The following VWA8 variants were observed in gnomAD, a reference collection of about 807,000 sequenced individuals.
VWA8 encodes von Willebrand factor A domain-containing protein 8.
In VWA8, 221 loss-of-function variants were observed where a neutral mutation model predicts 241.5. The ratio of observed to expected loss-of-function variants is 0.91; its 90% CI spans 0.82 to 1.02. The LOEUF is 1.02. VWA8 is among the 50% of genes least tolerant of loss of function. VWA8 has a pLI of 0.00. For synonymous variants in VWA8, 852 were observed against 827.1 expected (o/e 1.03, Z -0.52); for missense variants, 2,322 against 2,328.7 (o/e 1.00, Z 0.06).
intron 9 of VWA8, among the ~76,000 whole-genome samples, chr13:41,876,678 C>T (rs561831292): frequency 6.6e-6 from 1 of 152,224 alleles, no homozygotes; most frequent in South Asian, 2.1e-4. Flanking sequence ...TAGTGCCTGG[C>T]TAATTGATTG....
At chr13:41,917,038 C>T (rs561063000) in intron 2 of VWA8, among the ~76,000 whole-genome samples, 4 of 152,220 alleles carry the variant, frequency 2.6e-5, no homozygotes, top group African/African-American at 7.2e-5. Flanking sequence ...TCATACTGGC[C>T]TAAATCCCTG....
chr13:41,758,257 T>C (rs566962432), intron 21 of VWA8, among the ~76,000 whole-genome samples: 23 of 150,646 alleles, frequency 1.5e-4, no homozygotes, highest in Admixed American at 1.3e-3. Context: ...CTATTAACAA[T>C]AGCAAATTTA....
intron 39 of VWA8, among the ~76,000 whole-genome samples, chr13:41,606,086 C>T (rs2044552119): frequency 6.6e-6 from 1 of 152,086 alleles, no homozygotes; most frequent in African/African-American, 2.4e-5. Context: ...ATGATTGCCT[C>T]CTCCAGGAAG....
intron 39 of VWA8, among the ~76,000 whole-genome samples, chr13:41,610,666 CT>C (rs1217002045): frequency 6.6e-6 from 1 of 152,140 alleles, no homozygotes; most frequent in African/African-American, 2.4e-5. Flanking sequence ...TTTTAGCATG[CT>C]TTTTTCTAAC....
intron 40 of VWA8, among the ~76,000 whole-genome samples, chr13:41,601,194 G>C (rs2044518989): frequency 6.6e-6 from 1 of 152,008 alleles, no homozygotes; most frequent in African/African-American, 2.4e-5. Context: ...TTTCTTCTGA[G>C]CTCCACCACA....
chr13:41,569,061 A>G (rs1357223151), intron 44 of VWA8, among the ~76,000 whole-genome samples: 1 of 152,270 alleles, frequency 6.6e-6, no homozygotes, highest in Non-Finnish European at 1.5e-5. Context: ...TCTTCAAAAG[A>G]ACGCCTCCTT....
chr13:41,726,415 T>C (rs1037098103), intron 24 of VWA8, among the ~76,000 whole-genome samples: 2 of 152,194 alleles, frequency 1.3e-5, no homozygotes, highest in Admixed American at 6.5e-5. Flanking sequence ...CAGAATTATA[T>C]ACTTGCTATA....
At position 41,703,314 on chromosome 13, in the gene VWA8, TATG is replaced by T. The variant is rs2045262016; in HGVS notation, c.3211_3213del (p.His1071del). 1.2e-6 allele frequency: 2 copies of T among 1,613,692 alleles called. No individual in the cohort carries two copies. Among genetic ancestry groups the T allele is most frequent in the Non-Finnish European group, 1.7e-6 (2 of 1,179,616 alleles). On this transcript the variant is annotated inframe_deletion, in exon 27 of 45. Coordinates refer to ENST00000379310, the MANE Select transcript of VWA8 (RefSeq NM_015058.2). ...ATGATGATATCAACCTTTATGTCTA[TATG>T]ATGAGTTTCCACTGGACACAAGAGT...
chr13:41,619,112 A>T (rs2044640475), intron 37 of VWA8, among the ~76,000 whole-genome samples: 1 of 152,072 alleles, frequency 6.6e-6, no homozygotes, highest in Non-Finnish European at 1.5e-5. Flanking sequence ...ATGAGCATGG[A>T]ATGTTCTTCC....
chr13:41,728,835 A>C (rs1338671779), intron 23 of VWA8, among the ~76,000 whole-genome samples: 2 of 152,020 alleles, frequency 1.3e-5, no homozygotes, highest in Admixed American at 6.6e-5. Flanking sequence ...TGAATATTGA[A>C]GATTTTAGTT....
chr13:41,605,147 G>C (rs753794306), intron 40 of VWA8, 21 bp downstream of exon 40: 3 of 1,607,022 alleles, frequency 1.9e-6, no homozygotes, highest in Non-Finnish European at 2.6e-6. Flanking sequence ...TTATTTTCTT[G>C]GTCCATAAGT....
At chr13:41,736,396 A>G (rs1043839082) in intron 21 of VWA8, among the ~76,000 whole-genome samples, 3 of 152,212 alleles carry the variant, frequency 2.0e-5, no homozygotes, top group African/African-American at 4.8e-5. Context: ...TCCACATGTA[A>G]TAAAAGCAAT....
intron 37 of VWA8, among the ~76,000 whole-genome samples, chr13:41,620,843 G>A (rs540218532): frequency 1.3e-5 from 2 of 152,302 alleles, no homozygotes; most frequent in East Asian, 1.9e-4. Context: ...TTGCTAACTT[G>A]CTGGTAAACT....
At chr13:41,658,224 T>C (rs1173010892) in intron 37 of VWA8, among the ~76,000 whole-genome samples, 1 of 152,226 alleles carries the variant, frequency 6.6e-6, no homozygotes, top group Non-Finnish European at 1.5e-5. Context: ...CTTGGAAGGC[T>C]GACGTGAGAG....
At chr13:41,571,252 T>C (rs543867538) in intron 43 of VWA8, among the ~76,000 whole-genome samples, 8 of 151,120 alleles carry the variant, frequency 5.3e-5, no homozygotes, top group African/African-American at 1.2e-4. Context: ...AATGATATGA[T>C]TGTATATCTA....
chr13:41,946,842 C>T (rs1411891943), intron 2 of VWA8, among the ~76,000 whole-genome samples: 3 of 152,146 alleles, frequency 2.0e-5, no homozygotes, highest in Non-Finnish European at 2.9e-5. Flanking sequence ...TTCCTAGACA[C>T]ACCTGTGTAC....
intron 36 of VWA8, among the ~76,000 whole-genome samples, chr13:41,672,786 G>T (rs2045034590): frequency 6.6e-6 from 1 of 151,990 alleles, no homozygotes. Context: ...TACAATACAT[G>T]GTACTCTATC....
chr13:41,644,654 C>T (rs1191720371), intron 37 of VWA8, among the ~76,000 whole-genome samples: 1 of 152,226 alleles, frequency 6.6e-6, no homozygotes, highest in Non-Finnish European at 1.5e-5. Context: ...AAGGTGGGTT[C>T]CCCTGAGCCA....
intron 4 of VWA8, among the ~76,000 whole-genome samples, chr13:41,906,690 A>T (rs1012374387): frequency 1.3e-5 from 2 of 152,192 alleles, no homozygotes; most frequent in African/African-American, 4.8e-5. Flanking sequence ...TTATGTGAAT[A>T]TACTTGACTA....
Sources: allele counts gnomAD v4.1 joint callset (sites outside exome capture counted in the v4.1 genomes callset), GRCh38; gene constraint gnomAD v4.1.1; transcripts MANE v1.5; gene names NCBI Gene and HGNC (gene_info 2026-07-23, HGNC 2026-07-21).